The following PEAK1 variants were observed in gnomAD, a reference collection of about 807,000 sequenced individuals.
PEAK1 encodes pseudopodium enriched atypical kinase 1, also known as inactive tyrosine-protein kinase PEAK1.
Under a neutral mutation model 124.7 loss-of-function variants are expected in PEAK1, and 54 were observed. The observed-to-expected ratio is 0.43, with a 90% CI of 0.35 to 0.54. The LOEUF is 0.54. Among genes scored for constraint, PEAK1 ranks in the 20% least tolerant of loss-of-function variants. The probability of loss-of-function intolerance (pLI) is 0.01; values close to 1 mark genes in which losing one functional copy is unlikely to be tolerated. For synonymous variants in PEAK1, 719 were observed against 760.0 expected (o/e 0.95, Z 0.89); for missense variants, 2,046 against 2,134.5 (o/e 0.96, Z 0.82).
At chr15:77,264,262 A>G (rs1446987648) in intron 5 of PEAK1, among the ~76,000 whole-genome samples, 1 of 152,072 alleles carries the variant, frequency 6.6e-6, no homozygotes, top group Non-Finnish European at 1.5e-5. Context: ...CAGGGCAATC[A>G]GGCAGGAGAA....
intron 6 of PEAK1, among the ~76,000 whole-genome samples, chr15:77,185,754 G>A (rs1298180647): frequency 1.3e-5 from 2 of 152,118 alleles, no homozygotes; most frequent in African/African-American, 4.8e-5. Context: ...TTTTAAGATG[G>A]GAAAACCTAG....
rs141885165 is a variant in PEAK1 at position 77,196,244 on chromosome 15, G to T, written c.-114-14204C>A. 6.4e-4 allele frequency among the ~76,000 whole-genome samples: 97 copies of T among 152,276 alleles called. 1 individual carries two copies. Among genetic ancestry groups the T allele is most frequent in the African/African-American group, 2.3e-3 (96 of 41,540 alleles). On this transcript the variant is annotated intron_variant, in intron 6 of 9. Transcript: ENST00000682557. ...CTGAAGGAATAAAATAGTGCAAATG[G>T]CAATCCTGCACGACAGGTTGCCATG...
intron 7 of PEAK1, among the ~76,000 whole-genome samples, chr15:77,165,464 T>A (rs1029605939): frequency 1.3e-5 from 2 of 152,172 alleles, no homozygotes; most frequent in Admixed American, 6.5e-5. Context: ...CCCAAAGTAC[T>A]TGGACTACAG....
chr15:77,144,723 A>C (rs1409046193), intron 8 of PEAK1, among the ~76,000 whole-genome samples: 1 of 152,238 alleles, frequency 6.6e-6, no homozygotes, highest in African/African-American at 2.4e-5. Flanking sequence ...ATGAAACCAC[A>C]AACATTCCAC....
intron 7 of PEAK1, among the ~76,000 whole-genome samples, chr15:77,174,241 C>T (rs1168531278): frequency 6.6e-6 from 1 of 152,226 alleles, no homozygotes; most frequent in Admixed American, 6.5e-5. Flanking sequence ...AGTTCCTCAT[C>T]TTTCAGAGCC....
Position 77,114,705 on chromosome 15 carries a change from A to C in PEAK1, c.4692T>G (p.His1564Gln). The C allele has an allele frequency of 6.2e-7, 1 of 1,613,242 alleles. No homozygotes were observed. Among genetic ancestry groups the C allele is most frequent in the African/African-American group, 1.3e-5 (1 of 74,808 alleles). Residue 1564 changes from histidine to glutamine, a missense_variant, in exon 10 of 10, where the codon CAT (histidine) becomes CAG (glutamine). By Grantham distance (24) the His-to-Gln change is conservative. Coordinates refer to ENST00000682557, the MANE Select transcript of PEAK1 (RefSeq NM_001385026.1). ...CCCGGAGGATCTCGGGGTCCACCAG[A>C]TGGCTCTTCTGCTTGGCCTGAGAGA... ...SNFSQAKQKS[H>Q]LVDPEILRDQ...
intron 5 of PEAK1, among the ~76,000 whole-genome samples, chr15:77,268,486 A>G (rs1012142882): frequency 4.6e-5 from 7 of 151,944 alleles, no homozygotes; most frequent in Non-Finnish European, 7.4e-5. Context: ...AAAAAAAAAA[A>G]GAACAAAGCT....
intron 7 of PEAK1, among the ~76,000 whole-genome samples, chr15:77,169,660 G>C (rs1240846270): frequency 6.6e-6 from 1 of 152,184 alleles, no homozygotes; most frequent in Non-Finnish European, 1.5e-5. Flanking sequence ...AGCTCAATCA[G>C]GAAATACATT....
At chr15:77,327,842 TACTC>T in intron 2 of PEAK1, among the ~76,000 whole-genome samples, 1 of 152,154 alleles carries the variant, frequency 6.6e-6, no homozygotes, top group Non-Finnish European at 1.5e-5. Context: ...TTAAGGAAGA[TACTC>T]ACATTTTGAA....
intron 6 of PEAK1, among the ~76,000 whole-genome samples, chr15:77,232,386 G>A (rs1391432405): frequency 6.6e-6 from 1 of 151,878 alleles, no homozygotes; most frequent in Non-Finnish European, 1.5e-5. Context: ...ATCTCAAATG[G>A]GGATTTAACA....
At chr15:77,205,186 CA>C (rs1180005377) in intron 6 of PEAK1, 1 of 264,468 alleles carries the variant, frequency 3.8e-6, no homozygotes, top group African/African-American at 2.4e-5. Context: ...TTTGTAAGTG[CA>C]AGTTTTTTTA....
In PEAK1 at chr15:77,180,002, T is replaced by C. The variant is rs770838805; in HGVS notation, c.1925A>G (p.Lys642Arg). The C allele has an allele frequency of 2.0e-5, 32 of 1,614,048 alleles. No individual in the cohort carries two copies. Among genetic ancestry groups the C allele is most frequent in the Non-Finnish European group, 2.5e-5 (30 of 1,180,000 alleles). ...PNAYDNLAIY[K>R]SFLGTSGELS... is the part of the protein sequence containing the mutation. The stretch of plus-strand genomic sequence containing the variant: ...TTCTCCACTTGTTCCCAGAAAACTT[T>C]TGTAGATAGCTAGATTGTCATATGC... Residue 642 changes from lysine to arginine, a missense_variant, in exon 7 of 10, where the codon AAA (lysine) becomes AGA (arginine). Lys to Arg is a conservative substitution (Grantham distance 26). Coordinates refer to ENST00000682557, the MANE Select transcript of PEAK1 (RefSeq NM_001385026.1).
In PEAK1 at chr15:77,126,348, G is replaced by GTTTGTTAA. The variant is rs2052371686; in HGVS notation, c.4077+6656_4077+6657insTTAACAAA. On this transcript the variant is annotated intron_variant, in intron 9 of 9. Coordinates refer to ENST00000682557, the MANE Select transcript of PEAK1 (RefSeq NM_001385026.1). The stretch of plus-strand genomic sequence containing the variant: ...TATTATATTGGTTCCTTAATATAAG[G>GTTTGTTAA]TACCTAGTTTGTTTCCAATTTTTGG... Among the ~76,000 whole-genome samples the GTTTGTTAA allele has an allele frequency of 5.7e-4, 86 of 152,194 alleles. No homozygotes were observed. The South Asian group carries it at 0.017, about 30-fold the overall frequency.
intron 1 of PEAK1, chr15:77,419,668 G>A: frequency 1.0e-6 from 1 of 985,002 alleles, no homozygotes. Context: ...AGCCGCGCCC[G>A]GGGGCGTCCC....
At chr15:77,157,391 T>C (rs998734134) in intron 8 of PEAK1, 2 of 152,250 alleles carry the variant, frequency 1.3e-5, no homozygotes, top group Non-Finnish European at 2.9e-5. Flanking sequence ...TGAGAAATCC[T>C]TATTCTGCCT....
chr15:77,371,763 C>T lies in PEAK1; in HGVS notation c.-665-6538G>A, dbSNP rs1007372549. Among the ~76,000 whole-genome samples the T allele has an allele frequency of 1.4e-4, 21 of 152,330 alleles. No homozygotes were observed. In the South Asian group the frequency reaches 2.1e-3, roughly 15 times the overall value. ...ATTAGCTAGGTGCAGTGGCACACACCTGTAATTGCAGCTACTCGGGAGGCT... is the reference window on the plus strand; with the variant it reads ...ATTAGCTAGGTGCAGTGGCACACACTTGTAATTGCAGCTACTCGGGAGGCT... On this transcript the variant is annotated intron_variant, in intron 1 of 9. Transcript: ENST00000682557.
At chr15:77,371,397 G>A in intron 1 of PEAK1, 1 of 952,346 alleles carries the variant, frequency 1.1e-6, no homozygotes, top group Non-Finnish European at 1.3e-6. Context: ...TTGTAAAAGT[G>A]AAGCCATCAA....
intron 6 of PEAK1, among the ~76,000 whole-genome samples, chr15:77,183,636 A>C (rs918622183): frequency 3.9e-5 from 6 of 151,988 alleles, no homozygotes; most frequent in Non-Finnish European, 4.4e-5. Flanking sequence ...TTTATCAAAA[A>C]CATTTGCCAA....
chr15:77,274,148 T>A (rs2062182880), intron 5 of PEAK1, among the ~76,000 whole-genome samples: 1 of 152,182 alleles, frequency 6.6e-6, no homozygotes, highest in Admixed American at 6.6e-5. Flanking sequence ...AAGATTTACA[T>A]CTGAGACATG....
Sources: allele counts gnomAD v4.1 joint callset (sites outside exome capture counted in the v4.1 genomes callset), GRCh38; gene constraint gnomAD v4.1.1; transcripts MANE v1.5; gene names NCBI Gene and HGNC (gene_info 2026-07-23, HGNC 2026-07-21).